Variants in INSYN2B observed in about 807,000 individuals in gnomAD.
The protein encoded by INSYN2B is protein INSYN2B.
A neutral mutation model predicts 41.2 loss-of-function variants in INSYN2B; 16 were observed. The ratio of observed to expected loss-of-function variants is 0.39; its 90% confidence interval spans 0.26 to 0.59. The LOEUF (loss-of-function observed/expected upper bound fraction) is 0.59. Among genes scored for constraint, INSYN2B ranks in the 20% least tolerant of loss-of-function variants. The pLI, the probability that INSYN2B is intolerant of heterozygous loss-of-function variation, is 0.57. For missense variants in INSYN2B, 608 were observed against 646.4 expected (o/e 0.94, Z 0.64); for synonymous variants, 245 against 244.4 (o/e 1.00, Z -0.02).
chr5:169,972,586 T>TAGATAGATGATAGATA (rs1554122913), intron 1 of INSYN2B, among the ~76,000 whole-genome samples: 39 of 69,030 alleles, frequency 5.6e-4, no homozygotes, highest in Admixed American at 1.8e-3. Flanking sequence ...GATAGATAGA[T>TAGATAGATGATAGATA]GATAGATAGA....
chr5:169,970,007 G>A (rs1272383161), intron 1 of INSYN2B, among the ~76,000 whole-genome samples: 2 of 152,374 alleles, frequency 1.3e-5, no homozygotes, highest in African/African-American at 2.4e-5. Flanking sequence ...TGTGGGCTAT[G>A]TGAGGCCTAC....
At chr5:169,963,430 A>G (rs1481987845) in intron 1 of INSYN2B, among the ~76,000 whole-genome samples, 1 of 152,108 alleles carries the variant, frequency 6.6e-6, no homozygotes, top group African/African-American at 2.4e-5. Context: ...CTGGGGACCT[A>G]TGCTTAGCAG....
At chr5:169,901,701 AG>A (rs923063918) in intron 1 of INSYN2B, among the ~76,000 whole-genome samples, 1 of 152,188 alleles carries the variant, frequency 6.6e-6, no homozygotes, top group Admixed American at 6.5e-5. Flanking sequence ...ATGTAGAGAA[AG>A]GAAATTAATT....
intron 1 of INSYN2B, among the ~76,000 whole-genome samples, chr5:169,978,573 G>C (rs1332831813): frequency 2.0e-5 from 3 of 152,076 alleles, no homozygotes; most frequent in Non-Finnish European, 4.4e-5. Flanking sequence ...CAATCACCTA[G>C]TATCCCAGCT....
At chr5:169,874,359 G>A (rs1433438386) in intron 3 of INSYN2B, among the ~76,000 whole-genome samples, 1 of 141,776 alleles carries the variant, frequency 7.1e-6, no homozygotes, top group Non-Finnish European at 1.5e-5. Context: ...GTTGCAGTGA[G>A]CCGAGATTGT....
At chr5:169,872,460 G>T (rs1772040981) in intron 3 of INSYN2B, among the ~76,000 whole-genome samples, 1 of 152,126 alleles carries the variant, frequency 6.6e-6, no homozygotes, top group Non-Finnish European at 1.5e-5. Flanking sequence ...GTTTAATTTT[G>T]TGCTTCACAA....
intron 1 of INSYN2B, among the ~76,000 whole-genome samples, chr5:169,897,864 T>C (rs1232508872): frequency 6.6e-6 from 1 of 152,190 alleles, no homozygotes; most frequent in Non-Finnish European, 1.5e-5. Flanking sequence ...GAGTGGACTC[T>C]CAAAAGAAGA....
At chr5:169,925,578 T>TA (rs1561828965) in intron 1 of INSYN2B, among the ~76,000 whole-genome samples, 4,812 of 32,202 alleles carry the variant, frequency 0.15, 1,285 homozygotes, top group East Asian at 0.5. Context: ...AGACTCTGTC[T>TA]TAAAAAAAAA....
chr5:169,870,786 A>T (rs1159362007), intron 3 of INSYN2B, among the ~76,000 whole-genome samples: 1 of 152,144 alleles, frequency 6.6e-6, no homozygotes, highest in Non-Finnish European at 1.5e-5. Flanking sequence ...TTGCCCATTT[A>T]AACAGACAAG....
At chr5:169,873,346 C>T (rs72842509) in intron 3 of INSYN2B, among the ~76,000 whole-genome samples, 15,202 of 152,178 alleles carry the variant, frequency 0.1, 933 homozygotes, top group Admixed American at 0.17. Context: ...AGCTGTTTCC[C>T]AAAGAGACAT....
At position 169,861,908 on chromosome 5, in the gene INSYN2B, T is replaced by C. The variant is rs1430967802; in HGVS notation, c.*2365A>G. On this transcript the variant is annotated 3_prime_UTR_variant, in exon 4 of 4. Coordinates refer to ENST00000377365, the MANE Select transcript of INSYN2B (RefSeq NM_001129891.3). The stretch of plus-strand genomic sequence containing the variant: ...GCTGTATTTCTAGAAATGTCAACAT[T>C]TTATTTATTTTTTTCTTTTCTTTTC... Among the ~76,000 whole-genome samples, 1 of 151,430 alleles carries C rather than the reference T, an allele frequency of 6.6e-6. No individual in the cohort carries two copies. Among genetic ancestry groups the C allele is most frequent in the East Asian group, 1.9e-4 (1 of 5,194 alleles).
At chr5:169,944,732 C>T (rs1776377500) in intron 1 of INSYN2B, among the ~76,000 whole-genome samples, 1 of 152,222 alleles carries the variant, frequency 6.6e-6, no homozygotes, top group Non-Finnish European at 1.5e-5. Flanking sequence ...CTCACCAGTG[C>T]TAGGAACCTT....
intron 1 of INSYN2B, among the ~76,000 whole-genome samples, chr5:169,977,631 C>G (rs947125037): frequency 3.3e-5 from 5 of 152,184 alleles, no homozygotes; most frequent in African/African-American, 1.2e-4. Context: ...CCTAAGCCCC[C>G]ACTCTCATGC....
At chr5:169,939,203 C>CT (rs56040572) in intron 1 of INSYN2B, among the ~76,000 whole-genome samples, 33,703 of 143,600 alleles carry the variant, frequency 0.23, 4,011 homozygotes, top group Non-Finnish European at 0.26. Context: ...TGTGCCCGGC[C>CT]TTTTTTTTTT....
At chr5:169,864,761 G>A (rs1771432790) in intron 3 of INSYN2B, among the ~76,000 whole-genome samples, 1 of 152,062 alleles carries the variant, frequency 6.6e-6, no homozygotes, top group Non-Finnish European at 1.5e-5. Flanking sequence ...TCATTAATGG[G>A]GTTTTGGCAT....
intron 1 of INSYN2B, among the ~76,000 whole-genome samples, chr5:169,976,297 A>C (rs551646550): frequency 1.3e-5 from 2 of 152,224 alleles, no homozygotes; most frequent in African/African-American, 4.8e-5. Context: ...CCTAAATTTT[A>C]GGTCCTATGT....
intron 3 of INSYN2B, among the ~76,000 whole-genome samples, chr5:169,872,520 A>G (rs921676737): frequency 7.2e-5 from 11 of 152,310 alleles, no homozygotes; most frequent in African/African-American, 2.4e-4. Context: ...TAGGGCATCT[A>G]TCTGCTGTTG....
In INSYN2B at chr5:169,874,550, C is replaced by T. The variant is rs188376375; in HGVS notation, c.1421+6818G>A. On this transcript the variant is annotated intron_variant, in intron 3 of 3. Coordinates refer to ENST00000377365, the MANE Select transcript of INSYN2B (RefSeq NM_001129891.3). ...GGTTCCCAAGCAAGGGGTGACCATA[C>T]CCCTATCCTGAAGTGGGAATGTAGT... Among the ~76,000 whole-genome samples the T allele has an allele frequency of 3.4e-4, 51 of 152,176 alleles. 1 individual carries two copies. The highest frequency in any genetic ancestry group is 1.2e-3 in the African/African-American group (49 of 41,514).
intron 1 of INSYN2B, among the ~76,000 whole-genome samples, chr5:169,886,337 T>A (rs779598320): frequency 6.6e-6 from 1 of 152,206 alleles, no homozygotes; most frequent in Admixed American, 6.5e-5. Flanking sequence ...CGAGTTGCTT[T>A]ACATAAAAAT....
Sources: allele counts gnomAD v4.1 joint callset (sites outside exome capture counted in the v4.1 genomes callset), GRCh38; gene constraint gnomAD v4.1.1; transcripts MANE v1.5; gene names NCBI Gene and HGNC (gene_info 2026-07-23, HGNC 2026-07-21).